Variants in CREB1 observed in about 807,000 individuals in gnomAD.
CREB1 encodes cAMP responsive element binding protein 1.
Under a neutral mutation model 42.0 loss-of-function variants are expected in CREB1, and 2 were observed. That is an observed-to-expected ratio of 0.05 (90% confidence interval 0.02 to 0.15). The LOEUF (loss-of-function observed/expected upper bound fraction) is 0.15, where lower values mean the gene tolerates loss of function less well. CREB1 is among the 10% of genes least tolerant of loss of function. The pLI, the probability that CREB1 is intolerant of heterozygous loss-of-function variation, is 1.00. For synonymous variants in CREB1, 123 were observed against 139.9 expected (o/e 0.88, Z 0.85); for missense variants, 199 against 388.9 (o/e 0.51, Z 4.11).
At chr2:207,536,656 T>C (rs1341856871) in intron 1 of CREB1, among the ~76,000 whole-genome samples, 1 of 152,190 alleles carries the variant, frequency 6.6e-6, no homozygotes, top group African/African-American at 2.4e-5. Flanking sequence ...TGTAAGAATA[T>C]TGTTTTGAGG....
chr2:207,584,266 T>G (rs2083424291), intron 7 of CREB1, among the ~76,000 whole-genome samples: 1 of 152,260 alleles, frequency 6.6e-6, no homozygotes, highest in East Asian at 1.9e-4. Context: ...CCATTTTATA[T>G]TCCCACCAGG....
At position 207,543,261 on chromosome 2, in the gene CREB1, T is replaced by G. The variant is rs567815329; in HGVS notation, c.-8-12367T>G. On this transcript the variant is annotated intron_variant, in intron 1 of 7. Coordinates refer to ENST00000353267, the MANE Select transcript of CREB1 (RefSeq NM_004379.5). ...TATCTTTGATCTGCAGTTGGTTGAA[T>G]CCACAGATGCTGAATCTTTGGATAC... 4.6e-5 allele frequency among the ~76,000 whole-genome samples: 7 copies of G among 152,294 alleles called. No individual in the cohort carries two copies. The South Asian group carries it at 1.4e-3, about 32-fold the overall frequency.
At chr2:207,549,509 A>C (rs2081418887) in intron 1 of CREB1, among the ~76,000 whole-genome samples, 1 of 152,222 alleles carries the variant, frequency 6.6e-6, no homozygotes, top group Non-Finnish European at 1.5e-5. Flanking sequence ...GAAAGCTAAA[A>C]TCTATCGTGT....
At chr2:207,584,422 G>A (rs34903544) in intron 7 of CREB1, among the ~76,000 whole-genome samples, 19,316 of 151,156 alleles carry the variant, frequency 0.13, 1,641 homozygotes, top group Middle Eastern at 0.2. Flanking sequence ...TTTTTGAGAC[G>A]GAGTCTCCCT....
At chr2:207,555,186 A>G (rs1385895017) in intron 1 of CREB1, among the ~76,000 whole-genome samples, 1 of 152,182 alleles carries the variant, frequency 6.6e-6, no homozygotes, top group Non-Finnish European at 1.5e-5. Flanking sequence ...AAATACCCTT[A>G]TAGGAGGTAT....
intron 1 of CREB1, among the ~76,000 whole-genome samples, chr2:207,532,358 T>G (rs1384334759): frequency 6.6e-6 from 1 of 151,668 alleles, no homozygotes; most frequent in East Asian, 1.9e-4. Flanking sequence ...ATATGACTCT[T>G]CATTTGTGAG....
intron 7 of CREB1, among the ~76,000 whole-genome samples, chr2:207,585,693 A>G (rs1463782263): frequency 2.0e-5 from 3 of 152,238 alleles, no homozygotes; most frequent in South Asian, 2.1e-4. Context: ...CAGGAAAACA[A>G]TTCATGATCT....
intron 7 of CREB1, among the ~76,000 whole-genome samples, chr2:207,590,091 T>TG (rs1559071892): frequency 7.1e-6 from 1 of 140,212 alleles, no homozygotes. Context: ...AAGTTTTTTT[T>TG]TTTTTTTTTT....
At chr2:207,536,398 T>C (rs1324593216) in intron 1 of CREB1, among the ~76,000 whole-genome samples, 1 of 151,248 alleles carries the variant, frequency 6.6e-6, no homozygotes, top group Admixed American at 6.6e-5. Flanking sequence ...CTACTAAAAA[T>C]ACAAAAATTA....
In CREB1 at chr2:207,531,882, G is replaced by A. The variant is rs536592692; in HGVS notation, c.-9+1748G>A. Among the ~76,000 whole-genome samples, 9 of 152,198 alleles carry A rather than the reference G, an allele frequency of 5.9e-5. No individual in the cohort carries two copies. The South Asian group carries it at 1.9e-3, about 32-fold the overall frequency. On this transcript the variant is annotated intron_variant, in intron 1 of 7. Coordinates refer to ENST00000353267, the MANE Select transcript of CREB1 (RefSeq NM_004379.5). Reference sequence around the variant, plus strand: ...TGCTTCTCTTTAAAAGACCACATTGGCAATTTGTCATTTCCAAGAAAATTA... The same window carrying A: ...TGCTTCTCTTTAAAAGACCACATTGACAATTTGTCATTTCCAAGAAAATTA...
intron 1 of CREB1, among the ~76,000 whole-genome samples, chr2:207,540,485 C>CA (rs1356848351): frequency 6.6e-6 from 1 of 151,562 alleles, no homozygotes; most frequent in Non-Finnish European, 1.5e-5. Flanking sequence ...ACAGAGAATA[C>CA]AAAAATTAAT....
chr2:207,545,148 C>T (rs1345866789), intron 1 of CREB1, among the ~76,000 whole-genome samples: 1 of 152,172 alleles, frequency 6.6e-6, no homozygotes, highest in Non-Finnish European at 1.5e-5. Context: ...ACACTGTCTT[C>T]CACAATGGTT....
intron 2 of CREB1, among the ~76,000 whole-genome samples, chr2:207,557,194 A>G (rs2081763379): frequency 2.0e-5 from 3 of 151,852 alleles, no homozygotes; most frequent in African/African-American, 4.8e-5. Context: ...AGCCCTTAAC[A>G]CATCTTATCT....
chr2:207,545,368 C>T (rs563960284), intron 1 of CREB1, among the ~76,000 whole-genome samples: 52 of 151,800 alleles, frequency 3.4e-4, no homozygotes, highest in African/African-American at 9.2e-4. Context: ...CCACCATGCC[C>T]GGCTAATTTT....
At chr2:207,543,876 T>C (rs914813037) in intron 1 of CREB1, among the ~76,000 whole-genome samples, 1 of 152,174 alleles carries the variant, frequency 6.6e-6, no homozygotes, top group Non-Finnish European at 1.5e-5. Context: ...GTGCTGGGGA[T>C]TACAGGCGTG....
intron 1 of CREB1, among the ~76,000 whole-genome samples, chr2:207,545,655 T>C (rs2081274591): frequency 6.6e-6 from 1 of 152,148 alleles, no homozygotes; most frequent in Admixed American, 6.6e-5. Flanking sequence ...TGATTCTCTA[T>C]TAAAGGGTCA....
At chr2:207,532,877 C>A (rs1310420314) in intron 1 of CREB1, among the ~76,000 whole-genome samples, 1 of 151,778 alleles carries the variant, frequency 6.6e-6, no homozygotes, top group Non-Finnish European at 1.5e-5. Flanking sequence ...TGCCCCAGCC[C>A]CCCGAGTAGC....
chr2:207,546,808 GT>G (rs2081319294), intron 1 of CREB1, among the ~76,000 whole-genome samples: 1 of 151,938 alleles, frequency 6.6e-6, no homozygotes, highest in South Asian at 2.1e-4. Flanking sequence ...CCATTTGTCA[GT>G]TTTAAAGATT....
At chr2:207,554,402 A>T (rs530255269) in intron 1 of CREB1, among the ~76,000 whole-genome samples, 7 of 152,238 alleles carry the variant, frequency 4.6e-5, no homozygotes, top group African/African-American at 1.7e-4. Flanking sequence ...AATGAAATAT[A>T]TTCTGGAAAA....
Sources: gnomAD v4.1 joint callset for allele counts (sites outside exome capture counted in the v4.1 genomes callset) on GRCh38, gnomAD v4.1.1 for gene constraint, MANE v1.5 for transcripts, NCBI Gene and HGNC (gene_info 2026-07-23, HGNC 2026-07-21) for gene names.